The following TTC34 variants were observed in gnomAD, a reference collection of about 807,000 sequenced individuals.
TTC34 encodes tetratricopeptide repeat protein 34.
Under a neutral mutation model 40.7 loss-of-function variants are expected in TTC34, and 44 were observed. The ratio of observed to expected loss-of-function variants is 1.08; its 90% CI spans 0.85 to 1.39. The LOEUF is 1.39. TTC34 is among the 40% of genes most tolerant of loss of function. TTC34 has a pLI of 0.00. For synonymous variants in TTC34, 422 were observed against 398.6 expected (o/e 1.06, Z -0.70); for missense variants, 884 against 838.0 (o/e 1.05, Z -0.68).
At position 2,645,937 on chromosome 1, in the gene TTC34, C is replaced by T. The variant is rs898401515; in HGVS notation, c.2227-374G>A. Among the ~76,000 whole-genome samples, 1 of 152,174 alleles carries T rather than the reference C, an allele frequency of 6.6e-6. No homozygotes were observed. Among genetic ancestry groups the T allele is most frequent in the African/African-American group, 2.4e-5 (1 of 41,438 alleles). On this transcript the variant is annotated intron_variant, in intron 6 of 8. Coordinates refer to ENST00000401095, the Ensembl canonical transcript of TTC34. The surrounding 1 kb of genome is among the most constrained non-coding windows in gnomAD (Gnocchi z 4.7). ...TGTAGCTGGCTCCCTCCACGCCTGT[C>T]CCTCCCCACAGGGGCATCTGTCACC... is the stretch of plus-strand genomic sequence containing the variant.
At chr1:2,779,449 G>T (rs541655533) in intron 6 of TTC34, among the ~76,000 whole-genome samples, 1 of 151,984 alleles carries the variant, frequency 6.6e-6, no homozygotes, top group Non-Finnish European at 1.5e-5. Flanking sequence ...TCAGCCTCCC[G>T]AGTAGCTGGG....
At chr1:2,686,827 G>GGGTCGGCACCCTCACCCCCAGGT (rs1557612110) in intron 6 of TTC34, among the ~76,000 whole-genome samples, 1 of 127,888 alleles carries the variant, frequency 7.8e-6, no homozygotes, top group Non-Finnish European at 1.6e-5. Flanking sequence ...CTGACAGCCT[G>GGGTCGGCACCCTCACCCCCAGGT]GAGCAGCACC....
At chr1:2,688,126 A>T (rs1437810505) in intron 6 of TTC34, among the ~76,000 whole-genome samples, 1 of 148,404 alleles carries the variant, frequency 6.7e-6, no homozygotes, top group African/African-American at 2.5e-5. Flanking sequence ...CAGCACCCAC[A>T]CCCCCAGGCG....
chr1:2,646,029 G>A (rs959061426), intron 6 of TTC34, among the ~76,000 whole-genome samples: 2 of 152,130 alleles, frequency 1.3e-5, no homozygotes, highest in African/African-American at 4.8e-5. Context: ...TGGTCTTGGG[G>A]ACGCCGGAAG....
At chr1:2,767,787 G>T (rs775992252) in intron 6 of TTC34, among the ~76,000 whole-genome samples, 1 of 146,230 alleles carries the variant, frequency 6.8e-6, no homozygotes, top group African/African-American at 2.5e-5. Flanking sequence ...GCATCTGACA[G>T]CCTGGGGCAG....
intron 6 of TTC34, among the ~76,000 whole-genome samples, chr1:2,695,007 C>A (rs1284728911): frequency 1.3e-5 from 2 of 152,190 alleles, no homozygotes; most frequent in African/African-American, 4.8e-5. Context: ...AGGTGAGGAT[C>A]TGACAGCCTG....
intron 2 of TTC34, 134 bp from the exon 3 acceptor site, chr1:2,790,480 A>T: frequency 2.5e-6 from 1 of 397,402 alleles, no homozygotes; most frequent in Non-Finnish European, 4.4e-6. Context: ...ATCTCCCTCC[A>T]GTCTCCAGGT....
intron 6 of TTC34, among the ~76,000 whole-genome samples, chr1:2,779,030 T>C (rs905527287): frequency 6.6e-6 from 1 of 152,200 alleles, no homozygotes; most frequent in African/African-American, 2.4e-5. Context: ...TGTCCTTTTG[T>C]GGTGGCTGCT....
At chr1:2,654,766 A>ACCC (rs1639281279) in intron 6 of TTC34, among the ~76,000 whole-genome samples, 1 of 72,466 alleles carries the variant, frequency 1.4e-5, no homozygotes, top group Non-Finnish European at 2.9e-5. Flanking sequence ...TGGAACAGCA[A>ACCC]CCACACCCCG....
At chr1:2,641,219 G>T in exon 9 of TTC34, 1 of 828,080 alleles carries the variant, frequency 1.2e-6, no homozygotes, top group East Asian at 3.1e-5. Context: ...GTTGGGAAGG[G>T]GTGTGTGGGG....
chr1:2,699,608 CCA>C (rs1291230200), intron 6 of TTC34, among the ~76,000 whole-genome samples: 1 of 117,206 alleles, frequency 8.5e-6, no homozygotes, highest in Non-Finnish European at 2.0e-5. Flanking sequence ...GGAGCAGCAC[CCA>C]CACACCCAGG....
intron 6 of TTC34, among the ~76,000 whole-genome samples, chr1:2,755,731 G>A (rs1189550297): frequency 5.8e-4 from 10 of 17,300 alleles, no homozygotes; most frequent in East Asian, 5.4e-3. Flanking sequence ...ACAGCCTGGA[G>A]CAGCACCCAC....
chr1:2,787,730 G>A (rs1025784816), intron 3 of TTC34, 24 bp from the exon 4 acceptor site: 1 of 1,488,420 alleles, frequency 6.7e-7, no homozygotes, highest in Admixed American at 2.2e-5. Flanking sequence ...AGCTCAGGGG[G>A]GCATGCCCCT....
intron 6 of TTC34, chr1:2,776,300 C>T (rs1643155289): frequency 8.0e-6 from 1 of 124,454 alleles, no homozygotes; most frequent in Non-Finnish European, 1.6e-5. Context: ...AGGTAAGATT[C>T]CAACAGCATG....
intron 6 of TTC34, among the ~76,000 whole-genome samples, chr1:2,690,347 C>A (rs1322208856): frequency 7.0e-6 from 1 of 143,072 alleles, no homozygotes; most frequent in Non-Finnish European, 1.5e-5. Context: ...TACCCCCAGG[C>A]GAGCATCTGA....
At chr1:2,643,527 A>G (rs888747861) in intron 8 of TTC34, among the ~76,000 whole-genome samples, 1 of 151,276 alleles carries the variant, frequency 6.6e-6, no homozygotes, top group African/African-American at 2.4e-5. Flanking sequence ...CGAAGACCCC[A>G]GCACAGACCC....
At chr1:2,673,347 A>C (rs1353610071) in intron 6 of TTC34, among the ~76,000 whole-genome samples, 1 of 59,370 alleles carries the variant, frequency 1.7e-5, no homozygotes, top group African/African-American at 6.0e-5. Context: ...CCTGGAGCGG[A>C]ACCCACGGCC....
At chr1:2,650,974 A>G (rs1269463925) in intron 6 of TTC34, among the ~76,000 whole-genome samples, 3 of 150,622 alleles carry the variant, frequency 2.0e-5, no homozygotes, top group African/African-American at 7.3e-5. Context: ...CACCATCCAA[A>G]TGGCACCCCA....
intron 6 of TTC34, among the ~76,000 whole-genome samples, chr1:2,780,854 G>T (rs991851906): frequency 1.3e-5 from 2 of 152,120 alleles, no homozygotes; most frequent in African/African-American, 2.4e-5. Context: ...GGGTAATACT[G>T]ACGTCTTACC....
Sources: gnomAD v4.1 joint callset for allele counts (sites outside exome capture counted in the v4.1 genomes callset) on GRCh38, gnomAD v4.1.1 for gene constraint, Gnocchi (gnomAD v3.1) non-coding constraint, MANE v1.5 for transcripts, NCBI Gene and HGNC (gene_info 2026-07-23, HGNC 2026-07-21) for gene names.